The following RIGI variants were observed in gnomAD, a reference collection of about 807,000 sequenced individuals.
RIGI encodes the protein antiviral innate immune response receptor RIG-I.
At chr9:32,456,780 CAAAGGG>C in the RIGI span, 1 of 190,946 alleles carries the variant, frequency 5.2e-6, no homozygotes, top group African/African-American at 2.4e-5. Context: ...GTTAAGGAGA[CAAAGGG>C]AGATAAAAAT....
the RIGI span, among the ~76,000 whole-genome samples, chr9:32,524,612 T>TTTG: frequency 7.4e-6 from 1 of 134,636 alleles, no homozygotes; most frequent in Non-Finnish European, 1.6e-5. Context: ...TTTTTTTTTT[T>TTTG]TTTTTTTTTT....
At chr9:32,471,935 T>TAGGG in the RIGI span, among the ~76,000 whole-genome samples, 49 of 152,108 alleles carry the variant, frequency 3.2e-4, no homozygotes, top group Non-Finnish European at 5.9e-4. Context: ...GGGTGATAAC[T>TAGGG]AGGGACTGAC....
the RIGI span, chr9:32,457,111 A>AGG: frequency 6.2e-7 from 1 of 1,605,590 alleles, no homozygotes; most frequent in Non-Finnish European, 8.5e-7. Context: ...CTGAAGATTG[A>AGG]GGACCTGATA....
At chr9:32,474,202 CAAAAAAA>C in the RIGI span, among the ~76,000 whole-genome samples, 2 of 50,914 alleles carry the variant, frequency 3.9e-5, no homozygotes, top group African/African-American at 8.6e-5. Flanking sequence ...GACCCTGTCT[CAAAAAAA>C]AAAAAAAAAA....
the RIGI span, among the ~76,000 whole-genome samples, chr9:32,479,328 T>C: frequency 6.6e-6 from 1 of 152,276 alleles, no homozygotes; most frequent in Non-Finnish European, 1.5e-5. Context: ...CTCTAGTGGG[T>C]TGTTAAATAT....
At chr9:32,482,587 G>T in the RIGI span, among the ~76,000 whole-genome samples, 1 of 152,174 alleles carries the variant, frequency 6.6e-6, no homozygotes, top group Admixed American at 6.5e-5. Flanking sequence ...TTGGCCGGCC[G>T]CAGTGGCTCA....
At chr9:32,466,583 A>C in the RIGI span, 3 of 734,330 alleles carry the variant, frequency 4.1e-6, no homozygotes, top group Middle Eastern at 4.1e-4. Context: ...GAGCTGTTAA[A>C]GAGTGAACTC....
chr9:32,524,396 C>A, the RIGI span, among the ~76,000 whole-genome samples: 29 of 152,186 alleles, frequency 1.9e-4, no homozygotes, highest in African/African-American at 6.0e-4. Flanking sequence ...CTTCCAAGTA[C>A]TTCTTCAGGT....
At chr9:32,459,508 G>A in the RIGI span, 1 of 1,603,386 alleles carries the variant, frequency 6.2e-7, no homozygotes, top group Admixed American at 1.8e-5. Flanking sequence ...GTCTGTATAT[G>A]CAGAATCTAA....
the RIGI span, among the ~76,000 whole-genome samples, chr9:32,463,889 C>CTTTTTTTTTTTTTTTTTATT: frequency 1.1e-4 from 15 of 135,870 alleles, 1 homozygote; most frequent in African/African-American, 3.5e-4. Flanking sequence ...ATTCTGATTT[C>CTTTTTTTTTTTTTTTTTATT]AAATAAACCT....
the RIGI span, among the ~76,000 whole-genome samples, chr9:32,460,184 C>G: frequency 6.6e-6 from 1 of 152,186 alleles, no homozygotes; most frequent in East Asian, 1.9e-4. Context: ...TTCTGCCTCC[C>G]TCCGTGATTC....
At chr9:32,488,951 TG>T in the RIGI span, 1 of 1,408,814 alleles carries the variant, frequency 7.1e-7, no homozygotes, top group Non-Finnish European at 9.5e-7. Context: ...TCTGGAAAGG[TG>T]TTTATTTTTG....
the RIGI span, among the ~76,000 whole-genome samples, chr9:32,475,684 C>T: frequency 6.6e-6 from 1 of 151,934 alleles, no homozygotes; most frequent in Admixed American, 6.6e-5. Context: ...GACTGTAGAC[C>T]TAAATGTAAA....
the RIGI span, chr9:32,488,931 T>C: frequency 6.6e-7 from 1 of 1,511,868 alleles, no homozygotes; most frequent in African/African-American, 1.4e-5. Context: ...ACTCATATAT[T>C]AGATATTTCT....
the RIGI span, chr9:32,467,610 G>T: frequency 3.4e-6 from 2 of 584,418 alleles, no homozygotes; most frequent in South Asian, 5.1e-5. Flanking sequence ...CAAAACTGTA[G>T]CCACCTTAAG....
the RIGI span, among the ~76,000 whole-genome samples, chr9:32,473,986 C>T: frequency 3.9e-5 from 6 of 152,084 alleles, no homozygotes; most frequent in African/African-American, 1.4e-4. Context: ...CGAGGTTGTG[C>T]CACTGCACTC....
the RIGI span, chr9:32,457,475 T>C: frequency 1.0e-5 from 14 of 1,352,406 alleles, no homozygotes; most frequent in East Asian, 3.4e-4. Context: ...CAGTACATAA[T>C]TGTGATTTAA....
the RIGI span, among the ~76,000 whole-genome samples, chr9:32,504,593 G>A: frequency 9.1e-4 from 138 of 151,272 alleles, 2 homozygotes; most frequent in Non-Finnish European, 1.6e-4. Context: ...CAGGAGAATC[G>A]CTTGAACCCC....
chr9:32,500,746 A>G, the RIGI span: 3 of 1,567,690 alleles, frequency 1.9e-6, no homozygotes, highest in Admixed American at 5.8e-5. Flanking sequence ...TCACTTTTAC[A>G]GTATTGTCAA....
Sources: allele counts gnomAD v4.1 joint callset (sites outside exome capture counted in the v4.1 genomes callset), GRCh38; gene constraint gnomAD v4.1.1; transcripts MANE v1.5; gene names NCBI Gene and HGNC (gene_info 2026-07-23, HGNC 2026-07-21).